Variants in PCP4 observed in about 807,000 individuals in gnomAD.
The protein encoded by PCP4 is calmodulin regulator protein PCP4.
PCP4 carries 8 observed loss-of-function variants against 10.0 expected under a neutral mutation model. The ratio of observed to expected loss-of-function variants is 0.80; its 90% CI spans 0.47 to 1.45. PCP4 has a LOEUF of 1.45. PCP4 is among the 40% of genes most tolerant of loss of function. The probability of loss-of-function intolerance (pLI) is 0.00; values close to 1 mark genes in which losing one functional copy is unlikely to be tolerated. For missense variants in PCP4, 54 were observed against 74.4 expected (o/e 0.73, Z 1.01); for synonymous variants, 21 against 23.0 (o/e 0.91, Z 0.24).
chr21:39,926,070 A>G (rs1482478793), intron 2 of PCP4: 5 of 455,636 alleles, frequency 1.1e-5, no homozygotes, highest in Non-Finnish European at 2.2e-5. Context: ...TCTCTTCCTT[A>G]CACACTCCTG....
intron 2 of PCP4, among the ~76,000 whole-genome samples, chr21:39,915,273 T>C (rs1257946389): frequency 6.6e-6 from 1 of 151,948 alleles, no homozygotes; most frequent in Admixed American, 6.6e-5. Flanking sequence ...TTAAATACTA[T>C]GAAGAAATGA....
chr21:39,906,212 C>G lies in PCP4; in HGVS notation c.61+7685C>G, dbSNP rs948395225. On this transcript the variant is annotated intron_variant, in intron 2 of 2. Transcript: ENST00000328619. The surrounding 1 kb of genome is among the most constrained non-coding windows in gnomAD (Gnocchi z 6.3). ...CATCTGACCCACAGTCCAAACACACCAGGTTGTCTCTATTTACACTTTCTC... is the reference window on the plus strand; with the variant it reads ...CATCTGACCCACAGTCCAAACACACGAGGTTGTCTCTATTTACACTTTCTC... 6.6e-6 allele frequency among the ~76,000 whole-genome samples: 1 copy of G among 152,300 alleles called. No individual in the cohort carries two copies. Among genetic ancestry groups the G allele is most frequent in the South Asian group, 2.1e-4 (1 of 4,824 alleles).
At chr21:39,903,921 A>G (rs2087494542) in intron 2 of PCP4, among the ~76,000 whole-genome samples, 1 of 149,904 alleles carries the variant, frequency 6.7e-6, no homozygotes, top group Non-Finnish European at 1.5e-5. Context: ...TGATATGATT[A>G]TATGATTGCC....
intron 1 of PCP4, among the ~76,000 whole-genome samples, chr21:39,869,957 T>C (rs1451596941): frequency 1.3e-5 from 2 of 152,218 alleles, no homozygotes; most frequent in Non-Finnish European, 2.9e-5. Flanking sequence ...GGTGGGCCAA[T>C]AGTGCCTGCT....
chr21:39,884,537 C>G (rs1601174136), intron 1 of PCP4, among the ~76,000 whole-genome samples: 1 of 152,102 alleles, frequency 6.6e-6, no homozygotes, highest in African/African-American at 2.4e-5. Context: ...TGGCTCATAC[C>G]TGTAATCCCA....
At chr21:39,919,381 C>T (rs910155225) in intron 2 of PCP4, among the ~76,000 whole-genome samples, 1 of 152,186 alleles carries the variant, frequency 6.6e-6, no homozygotes. Context: ...TTACAATACC[C>T]CAATTGCAAG....
At chr21:39,919,855 GTT>G (rs2087586512) in intron 2 of PCP4, among the ~76,000 whole-genome samples, 1 of 151,314 alleles carries the variant, frequency 6.6e-6, no homozygotes, top group Admixed American at 6.6e-5. Flanking sequence ...AGTGTGGTGT[GTT>G]TGTGTGTGGT....
At position 39,882,564 on chromosome 21, in the gene PCP4, A is replaced by G. The variant is rs1347148840; in HGVS notation, c.9+15054A>G. 2.6e-5 allele frequency among the ~76,000 whole-genome samples: 4 copies of G among 152,278 alleles called. No homozygotes were observed. The South Asian group carries it at 8.3e-4, about 32-fold the overall frequency. On this transcript the variant is annotated intron_variant, in intron 1 of 2. Coordinates refer to ENST00000328619, the MANE Select transcript of PCP4 (RefSeq NM_006198.3). Reference sequence around the variant, plus strand: ...GGGAAGACCCCATGTGGGTTTTCTGATCTCATGTCAGCTTCCCTAGTTGAA... The same window carrying G: ...GGGAAGACCCCATGTGGGTTTTCTGGTCTCATGTCAGCTTCCCTAGTTGAA...
intron 2 of PCP4, among the ~76,000 whole-genome samples, chr21:39,923,106 C>T (rs1354347553): frequency 1.3e-5 from 2 of 152,132 alleles, no homozygotes; most frequent in Non-Finnish European, 2.9e-5. Flanking sequence ...CCAGGACCTG[C>T]GGCAAATACA....
rs565872889 is a variant in PCP4 at position 39,905,123 on chromosome 21, C to T, written c.61+6596C>T. 2.6e-5 allele frequency among the ~76,000 whole-genome samples: 4 copies of T among 152,280 alleles called. No homozygotes were observed. In the South Asian group the frequency reaches 8.3e-4, roughly 32 times the overall value. On this transcript the variant is annotated intron_variant, in intron 2 of 2. Coordinates refer to ENST00000328619, the MANE Select transcript of PCP4 (RefSeq NM_006198.3). ...CAGAATCCACCATAGTGAGAGATAG[C>T]AAGTGCTGCTGTGAATACCAGAGGC...
intron 1 of PCP4, 106 bp from the exon 2 acceptor site, chr21:39,898,368 CAT>C (rs1296321325): frequency 1.1e-6 from 1 of 901,374 alleles, no homozygotes; most frequent in Non-Finnish European, 1.8e-6. Flanking sequence ...GCTAAAGTAA[CAT>C]AGAACTTGAT....
chr21:39,927,670 C>CT (rs2087631509), intron 2 of PCP4, among the ~76,000 whole-genome samples: 1 of 152,206 alleles, frequency 6.6e-6, no homozygotes. Context: ...CTGGCCTCCT[C>CT]TGCTCTAGGT....
intron 1 of PCP4, among the ~76,000 whole-genome samples, chr21:39,889,000 G>A (rs1188910313): frequency 2.0e-5 from 3 of 152,310 alleles, no homozygotes; most frequent in Admixed American, 6.5e-5. Flanking sequence ...TGCCGTAGCC[G>A]TGAGAGGCTG....
chr21:39,914,179 C>T (rs992797217), intron 2 of PCP4, among the ~76,000 whole-genome samples: 7 of 63,580 alleles, frequency 1.1e-4, no homozygotes, highest in Non-Finnish European at 2.3e-4. Context: ...CTTTGCTTTC[C>T]CCATTGTTCA....
intron 2 of PCP4, among the ~76,000 whole-genome samples, chr21:39,923,636 C>A (rs927231598): frequency 1.1e-4 from 16 of 152,178 alleles, no homozygotes; most frequent in Non-Finnish European, 4.4e-5. Flanking sequence ...CCAGTACACG[C>A]GGCAGAATCC....
At chr21:39,896,034 G>C in intron 1 of PCP4, among the ~76,000 whole-genome samples, 1 of 152,200 alleles carries the variant, frequency 6.6e-6, no homozygotes, top group South Asian at 2.1e-4. Context: ...TTGTGTCTCC[G>C]TTAAATAGAA....
At chr21:39,927,317 T>C (rs943827747) in intron 2 of PCP4, among the ~76,000 whole-genome samples, 2 of 113,354 alleles carry the variant, frequency 1.8e-5, no homozygotes, top group South Asian at 3.0e-4. Context: ...TATCTATCTA[T>C]CTATCATCTA....
At chr21:39,873,248 G>A (rs562921126) in intron 1 of PCP4, among the ~76,000 whole-genome samples, 49 of 152,296 alleles carry the variant, frequency 3.2e-4, no homozygotes, top group African/African-American at 1.2e-3. Flanking sequence ...AAGCAGATCT[G>A]TAGTAATATA....
In PCP4 at chr21:39,929,172, A is replaced by G. The variant is rs2087639467; in HGVS notation, c.*61A>G. The G allele has an allele frequency of 1.9e-6, 3 of 1,546,968 alleles. No homozygotes were observed. The highest frequency in any genetic ancestry group is 1.9e-5 in the Admixed American group (1 of 52,832). ...AAATTCAACCATCATCTGTCAAGAA[A>G]TTAAAAGAACAACACCCTAGAGAGA... On this transcript the variant is annotated 3_prime_UTR_variant, in exon 3 of 3. Transcript: ENST00000328619.
Sources: allele counts gnomAD v4.1 joint callset (sites outside exome capture counted in the v4.1 genomes callset), GRCh38; gene constraint gnomAD v4.1.1; non-coding constraint Gnocchi (gnomAD v3.1); transcripts MANE v1.5; gene names NCBI Gene and HGNC (gene_info 2026-07-23, HGNC 2026-07-21).